The following ERBB4 variants were observed in gnomAD, a reference collection of about 807,000 sequenced individuals.
ERBB4 encodes the protein erb-b2 receptor tyrosine kinase 4.
A neutral mutation model predicts 158.0 loss-of-function variants in ERBB4; 42 were observed. The ratio of observed to expected loss-of-function variants is 0.27; its 90% CI spans 0.21 to 0.34. ERBB4 has a LOEUF of 0.34. Ranked by LOEUF, ERBB4 falls within the 10% of genes least tolerant of loss-of-function variation. The pLI is 1.00. For synonymous variants in ERBB4, 583 were observed against 558.7 expected, an observed-to-expected ratio of 1.04 and a Z score of -0.61; for missense variants, 1,333 against 1,624.1, an observed-to-expected ratio of 0.82 and a Z score of 3.08.
chr2:211,443,556 GA>G (rs1049690201), intron 20 of ERBB4, among the ~76,000 whole-genome samples: 1 of 152,034 alleles, frequency 6.6e-6, no homozygotes, highest in Admixed American at 6.6e-5. Flanking sequence ...TATCTCATAT[GA>G]AAGAAGGTTA....
chr2:212,466,238 C>A (rs895764086), intron 1 of ERBB4, among the ~76,000 whole-genome samples: 5 of 152,176 alleles, frequency 3.3e-5, no homozygotes, highest in African/African-American at 1.2e-4. Context: ...CAGGTTTGAA[C>A]TGCATGGGTC....
chr2:212,321,244 T>C (rs1362980058), intron 1 of ERBB4, among the ~76,000 whole-genome samples: 1 of 150,490 alleles, frequency 6.6e-6, no homozygotes, highest in Admixed American at 6.6e-5. Context: ...TGTAAAGTGA[T>C]TAAAGAACAA....
intron 3 of ERBB4, among the ~76,000 whole-genome samples, chr2:211,827,650 T>C (rs2077132717): frequency 1.3e-5 from 2 of 152,096 alleles, no homozygotes; most frequent in Non-Finnish European, 2.9e-5. Context: ...TGCTATCTGC[T>C]GTATTTGTTC....
chr2:211,804,935 T>TC (rs1345939725), intron 3 of ERBB4, among the ~76,000 whole-genome samples: 1 of 151,636 alleles, frequency 6.6e-6, no homozygotes, highest in Non-Finnish European at 1.5e-5. Context: ...TTTTTTTTTT[T>TC]TTGAGATGGT....
intron 4 of ERBB4, among the ~76,000 whole-genome samples, chr2:211,761,840 A>G (rs561192226): frequency 3.9e-5 from 6 of 152,316 alleles, no homozygotes; most frequent in African/African-American, 1.4e-4. Context: ...CAAAATGCAA[A>G]AAATACAAGC....
chr2:212,204,816 C>CTT (rs369446940), intron 1 of ERBB4, among the ~76,000 whole-genome samples: 1,445 of 122,102 alleles, frequency 0.012, 24 homozygotes, highest in Middle Eastern at 0.021. Context: ...TATATGAAAA[C>CTT]TTTTTTTTTT....
chr2:211,977,654 T>A (rs2081651949), intron 2 of ERBB4, among the ~76,000 whole-genome samples: 1 of 149,822 alleles, frequency 6.7e-6, no homozygotes, highest in Non-Finnish European at 1.5e-5. Flanking sequence ...CTGGCCAAAA[T>A]GGTGAAACCC....
intron 1 of ERBB4, among the ~76,000 whole-genome samples, chr2:212,309,152 G>A (rs1363121908): frequency 1.3e-5 from 2 of 150,776 alleles, no homozygotes; most frequent in African/African-American, 4.8e-5. Flanking sequence ...GAAGAAATAT[G>A]GAGAAAAATA....
intron 12 of ERBB4, among the ~76,000 whole-genome samples, chr2:211,699,971 T>C (rs1225133630): frequency 6.6e-6 from 1 of 152,162 alleles, no homozygotes; most frequent in Admixed American, 6.5e-5. Context: ...TAGACAGATA[T>C]ATGACATATG....
intron 19 of ERBB4, among the ~76,000 whole-genome samples, chr2:211,565,791 G>A (rs1166494243): frequency 1.3e-5 from 2 of 152,226 alleles, no homozygotes; most frequent in Admixed American, 6.5e-5. Context: ...ATGGGAACAC[G>A]CCTGGAGAAA....
intron 16 of ERBB4, among the ~76,000 whole-genome samples, chr2:211,640,157 A>AT (rs1416965117): frequency 2.6e-5 from 4 of 152,134 alleles, no homozygotes; most frequent in East Asian, 1.9e-4. Context: ...CTGAAAGAAG[A>AT]TTTTTTTAAA....
intron 1 of ERBB4, among the ~76,000 whole-genome samples, chr2:212,260,082 AAAAG>A (rs1373010092): frequency 8.5e-6 from 1 of 117,682 alleles, no homozygotes; most frequent in Non-Finnish European, 1.7e-5. Flanking sequence ...AAAAAAAAAA[AAAAG>A]AAAAGAAAAG....
In ERBB4 at chr2:211,995,672, C is replaced by A. The variant is rs192459940; in HGVS notation, c.235-48056G>T. On this transcript the variant is annotated intron_variant, in intron 2 of 27. Transcript: ENST00000342788. Reference sequence around the variant, plus strand: ...GTGTCGTGCTTTTCATAGGCTCTTGCGCATTACTGCTTGTATCTCAGGTAC... The same window carrying A: ...GTGTCGTGCTTTTCATAGGCTCTTGAGCATTACTGCTTGTATCTCAGGTAC... 9.2e-5 allele frequency among the ~76,000 whole-genome samples: 14 copies of A among 152,188 alleles called. No homozygotes were observed. In the East Asian group the frequency reaches 2.5e-3, roughly 27 times the overall value.
chr2:211,461,778 T>C (rs893893382), intron 20 of ERBB4, among the ~76,000 whole-genome samples: 2 of 151,782 alleles, frequency 1.3e-5, no homozygotes, highest in African/African-American at 4.8e-5. Flanking sequence ...AACAAAAAGA[T>C]TAATTAAATG....
chr2:212,438,861 A>G (rs2092192804), intron 1 of ERBB4, among the ~76,000 whole-genome samples: 1 of 152,126 alleles, frequency 6.6e-6, no homozygotes, highest in African/African-American at 2.4e-5. Flanking sequence ...AAACATTATG[A>G]TACTGGCTCA....
intron 13 of ERBB4, among the ~76,000 whole-genome samples, chr2:211,677,737 G>C (rs2105953107): frequency 6.6e-6 from 1 of 151,970 alleles, no homozygotes; most frequent in South Asian, 2.1e-4. Context: ...AGCCGGGCGT[G>C]GTGGCGGGCG....
Position 211,562,017 on chromosome 2 carries a change from G to A in ERBB4, c.2373C>T (p.Thr791=). The change falls in exon 20 of 28, where the codon ACC becomes ACT. Residue 791 remains threonine, a synonymous_variant. Coordinates refer to ENST00000342788, the MANE Select transcript of ERBB4 (RefSeq NM_005235.3). ...VRLLGVCLSP[T]IQLVTQLMPH... ...GCATAAGTTGAGTAACCAGCTGGAT[G>A]GTTGGGCTCAGACACACACCCAGCA... 6.2e-7 allele frequency: 1 copy of A among 1,614,132 alleles called. No individual in the cohort carries two copies. Among genetic ancestry groups the A allele is most frequent in the Non-Finnish European group, 8.5e-7 (1 of 1,180,034 alleles).
chr2:211,994,529 T>A (rs1034829114), intron 2 of ERBB4, among the ~76,000 whole-genome samples: 1 of 152,218 alleles, frequency 6.6e-6, no homozygotes, highest in Non-Finnish European at 1.5e-5. Flanking sequence ...CCAGTATGTA[T>A]AGTTTGATTT....
At chr2:212,154,102 C>A (rs2080956848) in intron 1 of ERBB4, among the ~76,000 whole-genome samples, 1 of 152,044 alleles carries the variant, frequency 6.6e-6, no homozygotes, top group Non-Finnish European at 1.5e-5. Flanking sequence ...AGAACAATGA[C>A]TGGCATTTAT....
Sources: allele counts gnomAD v4.1 joint callset (sites outside exome capture counted in the v4.1 genomes callset), GRCh38; gene constraint gnomAD v4.1.1; transcripts MANE v1.5; gene names NCBI Gene and HGNC (gene_info 2026-07-23, HGNC 2026-07-21).